Variants in CYP51A1 observed in about 807,000 individuals in gnomAD.
The protein encoded by CYP51A1 is cytochrome P450 family 51 subfamily A member 1.
Under a neutral mutation model 53.5 loss-of-function variants are expected in CYP51A1, and 45 were observed. That is an observed-to-expected ratio of 0.84 (90% CI 0.66 to 1.08). The LOEUF (loss-of-function observed/expected upper bound fraction) is 1.08. CYP51A1 is among the 50% of genes least tolerant of loss of function. The pLI is 0.00. For missense variants in CYP51A1, 462 were observed against 621.7 expected, an observed-to-expected ratio of 0.74 and a Z score of 2.73; for synonymous variants, 181 against 217.7, an observed-to-expected ratio of 0.83 and a Z score of 1.48.
intron 1 of CYP51A1, among the ~76,000 whole-genome samples, chr7:92,132,562 T>C (rs1194385659): frequency 6.6e-6 from 1 of 152,170 alleles, no homozygotes; most frequent in Non-Finnish European, 1.5e-5. Flanking sequence ...GCCCACTATA[T>C]TGTTTCTTCA....
At chr7:92,113,924 T>C in intron 9 of CYP51A1, 81 bp from the exon 10 acceptor site, 1 of 823,776 alleles carries the variant, frequency 1.2e-6, no homozygotes. Context: ...ATCTACATTT[T>C]AGATGAACAG....
intron 7 of CYP51A1, among the ~76,000 whole-genome samples, chr7:92,119,579 G>T (rs1819645642): frequency 6.6e-6 from 1 of 152,032 alleles, no homozygotes; most frequent in Non-Finnish European, 1.5e-5. Context: ...ATTAATCCAG[G>T]AAACGCAGTA....
intron 7 of CYP51A1, 97 bp downstream of exon 7, chr7:92,123,023 C>A: frequency 1.1e-6 from 1 of 881,212 alleles, no homozygotes; most frequent in Non-Finnish European, 1.8e-6. Flanking sequence ...TCAATTTAAG[C>A]TATAGTATAT....
intron 2 of CYP51A1, among the ~76,000 whole-genome samples, chr7:92,129,866 G>C (rs1201656653): frequency 2.0e-5 from 3 of 152,168 alleles, no homozygotes; most frequent in African/African-American, 7.2e-5. Flanking sequence ...AGAAGAATGA[G>C]GAGCTGGTTT....
intron 4 of CYP51A1, 152 bp downstream of exon 4, chr7:92,127,353 T>C: frequency 1.4e-6 from 1 of 707,772 alleles, no homozygotes. Context: ...CAGTTACAAC[T>C]TCATGGTAAT....
At position 92,126,019 on chromosome 7, in the gene CYP51A1, T is replaced by C. The variant is rs534538622; in HGVS notation, c.770+234A>G. ...CAAAAACAAAAACATAAATAAAATA[T>C]TAGACTAGACAGACAACAAATCACC... On this transcript the variant is annotated intron_variant, in intron 5 of 9. Transcript: ENST00000003100. 1.8e-4 allele frequency among the ~76,000 whole-genome samples: 28 copies of C among 152,098 alleles called. No individual in the cohort carries two copies. The South Asian group carries it at 5.8e-3, about 32-fold the overall frequency.
rs879390505 is a variant in CYP51A1 at position 92,116,270 on chromosome 7, C to CA, written c.1351+773dup. Among the ~76,000 whole-genome samples the CA allele has an allele frequency of 4.3e-3, 637 of 147,524 alleles. 15 individuals are homozygous for CA. The highest frequency in any genetic ancestry group is 4.4e-3 in the Non-Finnish European group (291 of 66,666). On this transcript the variant is annotated intron_variant, in intron 9 of 9. Transcript: ENST00000003100. ...ACTGGGTGACAGAGCAAGACTCTCT[C>CA]AAAAAAAAAACTATGATTCTTTTAT...
In CYP51A1 at chr7:92,128,904, TC is replaced by T. The variant is rs1563181464; in HGVS notation, c.443del (p.Gly148GlufsTer18). The T allele has an allele frequency of 6.2e-7, 1 of 1,611,918 alleles. No homozygotes were observed. The highest frequency in any genetic ancestry group is 8.5e-7 in the Non-Finnish European group (1 of 1,179,706). On this transcript the variant is annotated frameshift_variant, in exon 3 of 10. Transcript: ENST00000003100. LOFTEE classifies it high-confidence loss of function. ...CTGGATTAGGCACATCGTATGCAAC[TC>T]CCTTCCCAAACACAGGTGTTGTCAG... is the stretch of plus-strand genomic sequence containing the variant. ...SRLTTPVFGK[G>X]VAYDVPNPVF...
intron 6 of CYP51A1, among the ~76,000 whole-genome samples, 158 bp downstream of exon 6, chr7:92,123,576 G>T (rs1819734650): frequency 6.6e-6 from 1 of 152,222 alleles, no homozygotes; most frequent in Non-Finnish European, 1.5e-5. Flanking sequence ...GACACAGGAT[G>T]CCAATAGTTT....
At chr7:92,133,943 CA>C (rs1362888773) in intron 1 of CYP51A1, among the ~76,000 whole-genome samples, 1 of 152,230 alleles carries the variant, frequency 6.6e-6, no homozygotes, top group East Asian at 1.9e-4. Context: ...CCCCCCAACA[CA>C]AGGCAATGGC....
chr7:92,131,941 T>G, intron 1 of CYP51A1, 69 bp from the exon 2 acceptor site: 1 of 956,418 alleles, frequency 1.0e-6, no homozygotes, highest in Non-Finnish European at 1.7e-6. Flanking sequence ...TTTCGTTTCA[T>G]GACCAAACAA....
At chr7:92,129,694 C>T (rs1054244187) in intron 2 of CYP51A1, among the ~76,000 whole-genome samples, 15 of 152,252 alleles carry the variant, frequency 9.9e-5, no homozygotes, top group Non-Finnish European at 2.1e-4. Flanking sequence ...TCCCAACTCA[C>T]CAAGCTTAGT....
intron 1 of CYP51A1, among the ~76,000 whole-genome samples, chr7:92,133,630 C>T (rs189149722): frequency 2.1e-3 from 321 of 152,258 alleles, no homozygotes; most frequent in African/African-American, 7.2e-3. Context: ...ACTACCATTA[C>T]CACACTCTAC....
chr7:92,114,815 T>C (rs1819552041), intron 9 of CYP51A1, among the ~76,000 whole-genome samples: 1 of 152,206 alleles, frequency 6.6e-6, no homozygotes, highest in Non-Finnish European at 1.5e-5. Flanking sequence ...GGTTATTCAT[T>C]TGTCAAAACT....
intron 9 of CYP51A1, 76 bp downstream of exon 9, chr7:92,116,967 CA>C (rs1487240558): frequency 1.4e-6 from 2 of 1,416,346 alleles, no homozygotes; most frequent in East Asian, 4.8e-5. Flanking sequence ...AATTTGTAAA[CA>C]CAATTCGGAA....
chr7:92,134,598 G>A (rs1820007892), upstream of CYP51A1: 10 of 504,506 alleles, frequency 2.0e-5, no homozygotes, highest in Middle Eastern at 5.1e-4. Flanking sequence ...CTTCTTGCGC[G>A]GGATAGGGCA....
At chr7:92,133,694 C>A (rs1373215794) in intron 1 of CYP51A1, among the ~76,000 whole-genome samples, 2 of 152,146 alleles carry the variant, frequency 1.3e-5, no homozygotes, top group African/African-American at 2.4e-5. Flanking sequence ...CTACAGCCCA[C>A]AGAACACTGA....
At chr7:92,122,480 A>G (rs1431659400) in intron 7 of CYP51A1, among the ~76,000 whole-genome samples, 1 of 152,198 alleles carries the variant, frequency 6.6e-6, no homozygotes, top group Non-Finnish European at 1.5e-5. Flanking sequence ...GTAGTAACAT[A>G]TAGAAAGAAC....
rs992646706 is a variant in CYP51A1, at chr7:92,118,761, AT to A, written c.1087-147del. 7.2e-5 allele frequency: 43 copies of A among 598,864 alleles called. 1 individual carries two copies. In the Middle Eastern group the frequency reaches 1.1e-3, roughly 15 times the overall value. The allele number at this position is 598,864 out of a possible 1,614,324, so 37.1% of individuals were successfully genotyped here. On this transcript the variant is annotated intron_variant, in intron 7 of 9. Transcript: ENST00000003100. ...CTGGTTCAGGGTGGCTGGGGTTATC[AT>A]GCTCTACCACTGTCCATGGTGAAAA...
Sources: gnomAD v4.1 joint callset for allele counts (sites outside exome capture counted in the v4.1 genomes callset) on GRCh38, gnomAD v4.1.1 for gene constraint, MANE v1.5 for transcripts, NCBI Gene and HGNC (gene_info 2026-07-23, HGNC 2026-07-21) for gene names.